The following ANKS1B variants were observed in gnomAD, a reference collection of about 807,000 sequenced individuals.
ANKS1B encodes ankyrin repeat and sterile alpha motif domain-containing protein 1B.
In ANKS1B, 36 loss-of-function variants were observed where a neutral mutation model predicts 148.3. The ratio of observed to expected loss-of-function variants is 0.24; its 90% CI spans 0.19 to 0.32. ANKS1B has a LOEUF of 0.32. Among genes scored for constraint, ANKS1B ranks in the 10% least tolerant of loss-of-function variants. The pLI is 1.00. For synonymous variants in ANKS1B, 542 were observed against 560.8 expected, an observed-to-expected ratio of 0.97 and a Z score of 0.47; for missense variants, 1,157 against 1,542.6, an observed-to-expected ratio of 0.75 and a Z score of 4.19.
chr12:99,928,882 G>C (rs1450639266), intron 1 of ANKS1B, among the ~76,000 whole-genome samples: 1 of 152,152 alleles, frequency 6.6e-6, no homozygotes, highest in Non-Finnish European at 1.5e-5. Flanking sequence ...ATAGGTAAGA[G>C]AGGAAAAGCA....
intron 1 of ANKS1B, among the ~76,000 whole-genome samples, chr12:99,848,980 G>C (rs558067747): frequency 1.4e-4 from 22 of 152,076 alleles, no homozygotes; most frequent in Non-Finnish European, 1.0e-4. Context: ...CTTGTAAGTG[G>C]AGCTAAACAC....
chr12:99,904,258 C>A (rs1181209824), intron 1 of ANKS1B, among the ~76,000 whole-genome samples: 2 of 150,032 alleles, frequency 1.3e-5, no homozygotes, highest in African/African-American at 2.5e-5. Context: ...ATGGCATGAT[C>A]TCAGCTCACT....
chr12:99,912,917 G>T (rs1223199238), intron 1 of ANKS1B, among the ~76,000 whole-genome samples: 13 of 152,086 alleles, frequency 8.5e-5, no homozygotes, highest in Non-Finnish European at 4.4e-5. Context: ...GTATTGAAAA[G>T]AAATTAAATT....
chr12:99,170,297 C>G (rs890625422), intron 14 of ANKS1B, among the ~76,000 whole-genome samples: 1 of 152,110 alleles, frequency 6.6e-6, no homozygotes, highest in Admixed American at 6.5e-5. Context: ...GTGTGGAGGT[C>G]GGTAGCCCAG....
At chr12:99,036,034 C>T (rs2099955344) in intron 17 of ANKS1B, among the ~76,000 whole-genome samples, 1 of 152,146 alleles carries the variant, frequency 6.6e-6, no homozygotes, top group Non-Finnish European at 1.5e-5. Context: ...GTTGGCTTTG[C>T]TTTGAGTATT....
At position 99,943,402 on chromosome 12, in the gene ANKS1B, G is replaced by A. The variant is rs559574854; in HGVS notation, c.134+40702C>T. On this transcript the variant is annotated intron_variant, in intron 1 of 26. Coordinates refer to ENST00000683438, the MANE Select transcript of ANKS1B (RefSeq NM_001352186.2). The stretch of plus-strand genomic sequence containing the variant: ...ACTGTGCCCTTTCTCCACTCTTCTG[G>A]CTTTAGCTGTCTGTATTAGTCAGTT... 3.3e-5 allele frequency among the ~76,000 whole-genome samples: 5 copies of A among 152,212 alleles called. No individual in the cohort carries two copies. In the South Asian group the frequency reaches 6.2e-4, roughly 19 times the overall value.
chr12:99,077,233 T>C lies in ANKS1B; in HGVS notation c.2625+7692A>G, dbSNP rs565115905. Among the ~76,000 whole-genome samples the C allele has an allele frequency of 2.0e-5, 3 of 152,302 alleles. No homozygotes were observed. In the South Asian group the frequency reaches 6.2e-4, roughly 32 times the overall value. On this transcript the variant is annotated intron_variant, in intron 16 of 26. Transcript: ENST00000683438. ...TATTTACTTTAGGTTAGGACCTCCA[T>C]GCTAACAGTGCACGTATGTGGGTGT...
intron 8 of ANKS1B, among the ~76,000 whole-genome samples, chr12:99,732,969 T>A (rs1321585170): frequency 6.6e-6 from 1 of 152,106 alleles, no homozygotes; most frequent in East Asian, 1.9e-4. Context: ...AAATTCAATG[T>A]AAAAATAATT....
In ANKS1B at chr12:99,522,326, C is replaced by T. The variant is rs1360500574; in HGVS notation, c.1273-17685G>A. On this transcript the variant is annotated intron_variant, in intron 9 of 26. Transcript: ENST00000683438. ...TTACAGCTCCAATGGGAATGAATAG[C>T]TTTGATGCTTTGCCTTACTTAGATT... Among the ~76,000 whole-genome samples the T allele has an allele frequency of 7.2e-5, 11 of 152,254 alleles. No individual in the cohort carries two copies. In the East Asian group the frequency reaches 1.7e-3, roughly 24 times the overall value.
chr12:99,553,951 T>C (rs949433134), intron 9 of ANKS1B, among the ~76,000 whole-genome samples: 3 of 152,188 alleles, frequency 2.0e-5, no homozygotes, highest in African/African-American at 7.2e-5. Context: ...CCTGGGACTT[T>C]TTGGACAATT....
In ANKS1B at chr12:99,825,378, C is replaced by T; in HGVS notation, c.146G>A (p.Gly49Asp). Reference sequence around the variant, plus strand: ...ACTGTCTGTGCAGTTCACATTGGGGCCTCGCCAGATGCTGCAAATAAAGCA... The same window carrying T: ...ACTGTCTGTGCAGTTCACATTGGGGTCTCGCCAGATGCTGCAAATAAAGCA... The part of the protein sequence containing the change: ...PLSNLLSIWR[G>D]PNVNCTDSSG... Residue 49 changes from glycine to aspartate, a missense_variant, in exon 2 of 27, where the codon GGC (glycine) becomes GAC (aspartate). Coordinates refer to ENST00000683438, the MANE Select transcript of ANKS1B (RefSeq NM_001352186.2). 6.2e-7 allele frequency: 1 copy of T among 1,610,384 alleles called. No individual in the cohort carries two copies. The highest frequency in any genetic ancestry group is 8.5e-7 in the Non-Finnish European group (1 of 1,178,198).
At chr12:99,062,625 G>A (rs1384252625) in intron 16 of ANKS1B, among the ~76,000 whole-genome samples, 5 of 152,116 alleles carry the variant, frequency 3.3e-5, no homozygotes, top group Admixed American at 3.3e-4. Context: ...TCGGAAATAG[G>A]TCACCAGACA....
chr12:98,821,241 A>C (rs2099187561), intron 19 of ANKS1B, among the ~76,000 whole-genome samples: 1 of 152,240 alleles, frequency 6.6e-6, no homozygotes, highest in African/African-American at 2.4e-5. Context: ...TAAGTATGAA[A>C]AAATGAAATC....
intron 15 of ANKS1B, among the ~76,000 whole-genome samples, chr12:99,129,669 A>T (rs958082702): frequency 6.6e-6 from 1 of 152,196 alleles, no homozygotes; most frequent in African/African-American, 2.4e-5. Flanking sequence ...CTAGACAGAG[A>T]CTGAAAAACT....
intron 9 of ANKS1B, chr12:99,650,091 A>G (rs999428714): frequency 1.3e-5 from 2 of 152,400 alleles, no homozygotes; most frequent in Non-Finnish European, 2.9e-5. Context: ...CAGGAAGGGT[A>G]GCAATAAAAC....
chr12:99,494,655 C>T (rs1416049713), intron 10 of ANKS1B, among the ~76,000 whole-genome samples: 1 of 141,398 alleles, frequency 7.1e-6, no homozygotes, highest in Admixed American at 7.5e-5. Context: ...ATGGGGTGAA[C>T]CTGGGAGGCG....
intron 11 of ANKS1B, among the ~76,000 whole-genome samples, chr12:99,426,088 G>A (rs971768336): frequency 6.6e-6 from 1 of 152,118 alleles, no homozygotes; most frequent in African/African-American, 2.4e-5. Context: ...TAACTGTTGT[G>A]ACAGAAGAAA....
exon 10 of ANKS1B, chr12:98,734,984 G>C (rs763463259): frequency 1.6e-5 from 6 of 385,044 alleles, no homozygotes; most frequent in Non-Finnish European, 2.7e-5. Flanking sequence ...GCGGTGGCAC[G>C]TGCCTGTAAT....
chr12:99,419,336 A>G (rs1476419207), intron 11 of ANKS1B, among the ~76,000 whole-genome samples: 1 of 152,158 alleles, frequency 6.6e-6, no homozygotes, highest in East Asian at 1.9e-4. Flanking sequence ...AAATTGTGGT[A>G]GTTTGTTTTA....
Sources: allele counts gnomAD v4.1 joint callset (sites outside exome capture counted in the v4.1 genomes callset), GRCh38; gene constraint gnomAD v4.1.1; transcripts MANE v1.5; gene names NCBI Gene and HGNC (gene_info 2026-07-23, HGNC 2026-07-21).